SMYD1: variants seen among roughly 807,000 people sequenced by gnomAD.
The protein encoded by SMYD1 is histone-lysine N-methyltransferase SMYD1.
In SMYD1, 49 loss-of-function variants were observed where a neutral mutation model predicts 54.0. The ratio of observed to expected loss-of-function variants is 0.91; its 90% CI spans 0.72 to 1.15. The LOEUF (loss-of-function observed/expected upper bound fraction) is 1.15, where lower values mean the gene tolerates loss of function less well. Ranked by LOEUF, SMYD1 falls within the 50% of genes most tolerant of loss-of-function variation. The pLI, the probability that SMYD1 is intolerant of heterozygous loss-of-function variation, is 0.00. For missense variants in SMYD1, 653 were observed against 639.6 expected, an observed-to-expected ratio of 1.02 and a Z score of -0.23; for synonymous variants, 269 against 234.2, an observed-to-expected ratio of 1.15 and a Z score of -1.36.
chr2:88,099,649 G>A (rs1224540674), intron 6 of SMYD1, among the ~76,000 whole-genome samples: 2 of 152,070 alleles, frequency 1.3e-5, no homozygotes, highest in East Asian at 2.0e-4. Flanking sequence ...CTTGAACCCA[G>A]AAGGTGGAGG....
chr2:88,075,216 A>G lies in SMYD1; in HGVS notation c.137+7215A>G, dbSNP rs1438990389. On this transcript the variant is annotated intron_variant, in intron 1 of 9. Coordinates refer to ENST00000419482, the MANE Select transcript of SMYD1 (RefSeq NM_198274.4). ...TCGACATGTTACACAACCTGTTGTG[A>G]GCTGTATTGCTAAATATTGCTCAAT... Among the ~76,000 whole-genome samples, 3 of 152,304 alleles carry G rather than the reference A, an allele frequency of 2.0e-5. No homozygotes were observed. The East Asian group carries it at 5.8e-4, about 29-fold the overall frequency.
At position 88,087,900 on chromosome 2, in the gene SMYD1, G is replaced by A. The variant is rs756006041; in HGVS notation, c.353G>A (p.Gly118Asp). ...ATCATGTGGCGGGTGGAGAGAGAAGGCACCGGGCTCACGGAGGGCTGCCTG... is the reference window on the plus strand; with the variant it reads ...ATCATGTGGCGGGTGGAGAGAGAAGACACCGGGCTCACGGAGGGCTGCCTG... ...ARIMWRVERE[G>D]TGLTEGCLVS... The change falls in exon 3 of 10, where the codon GGC (glycine) becomes GAC (aspartate). Residue 118 changes from glycine (G) to aspartate (D), a missense_variant. Physicochemically the swap from Gly to Asp is moderately conservative, Grantham distance 94. Transcript: ENST00000419482. 6.2e-7 allele frequency: 1 copy of A among 1,606,286 alleles called. No individual in the cohort carries two copies. Among genetic ancestry groups the A allele is most frequent in the South Asian group, 1.1e-5 (1 of 90,082 alleles).
At position 88,111,632 on chromosome 2, in the gene SMYD1, G is replaced by T. The variant is rs1214271230; in HGVS notation, c.*1120G>T. ...CTCACCAGAAAGAACATTTGAATCT[G>T]GATTCTTGTACACCTGGGTTAGACC... On this transcript the variant is annotated 3_prime_UTR_variant, in exon 10 of 10. Coordinates refer to ENST00000419482, the MANE Select transcript of SMYD1 (RefSeq NM_198274.4). 6.3e-6 allele frequency: 1 copy of T among 157,664 alleles called. No individual in the cohort carries two copies. The highest frequency in any genetic ancestry group is 1.4e-5 in the Non-Finnish European group (1 of 71,108). 9.8% of individuals were successfully genotyped at this position (157,664 alleles called of 1,614,324 possible).
intron 1 of SMYD1, among the ~76,000 whole-genome samples, chr2:88,075,534 C>CTTTTTTTTTTTTTTT (rs35091980): frequency 9.7e-6 from 1 of 103,580 alleles, no homozygotes; most frequent in Non-Finnish European, 1.9e-5. Flanking sequence ...CCTTTTAATT[C>CTTTTTTTTTTTTTTT]TTTTTTTTTT....
At chr2:88,088,146 A>G (rs1022419145) in intron 3 of SMYD1, 71 bp downstream of exon 3, 2 of 1,466,088 alleles carry the variant, frequency 1.4e-6, no homozygotes, top group Non-Finnish European at 1.8e-6. Context: ...CCACTTGGGG[A>G]GGGTGGGGCT....
chr2:88,097,072 A>G (rs960328622), intron 6 of SMYD1, among the ~76,000 whole-genome samples: 1 of 152,162 alleles, frequency 6.6e-6, no homozygotes, highest in African/African-American at 2.4e-5. Flanking sequence ...ATTAAAGGAG[A>G]TGACGTGTGT....
In SMYD1 at chr2:88,067,871, A is replaced by G. The variant is rs200193008; in HGVS notation, c.7A>G (p.Ile3Val). 3.1e-6 allele frequency: 5 copies of G among 1,613,920 alleles called. No homozygotes were observed. In the East Asian group the frequency reaches 1.1e-4, roughly 36 times the overall value. The change falls in exon 1 of 10, where the codon ATA becomes GTA. Residue 3 changes from isoleucine (I) to valine (V), a missense_variant. Coordinates refer to ENST00000419482, the MANE Select transcript of SMYD1 (RefSeq NM_198274.4). Reference protein sequence around the residue: MTIGRMENVEVFT... With the variant: MTVGRMENVEVFT... Reference sequence around the variant, plus strand: ...TGGCCTGACAGTCTCTGAGATGACAATAGGGAGAATGGAGAACGTGGAGGT... The same window carrying G: ...TGGCCTGACAGTCTCTGAGATGACAGTAGGGAGAATGGAGAACGTGGAGGT...
chr2:88,099,797 C>T (rs796248425), intron 6 of SMYD1, among the ~76,000 whole-genome samples: 107 of 152,040 alleles, frequency 7.0e-4, no homozygotes, highest in African/African-American at 2.3e-3. Flanking sequence ...GAACCAACAT[C>T]CTTCTTACCC....
intron 3 of SMYD1, among the ~76,000 whole-genome samples, chr2:88,088,945 T>A (rs1303069741): frequency 6.6e-6 from 1 of 152,140 alleles, no homozygotes; most frequent in Admixed American, 6.5e-5. Flanking sequence ...GGCCAGGACC[T>A]TTATGTGGTG....
intron 5 of SMYD1, among the ~76,000 whole-genome samples, chr2:88,094,270 T>C (rs1034240216): frequency 1.3e-5 from 2 of 152,204 alleles, no homozygotes; most frequent in Admixed American, 1.3e-4. Context: ...TGGACTTGGG[T>C]TCCACATCTG....
chr2:88,111,990 G>C lies in SMYD1; in HGVS notation c.*1478G>C. The C allele has an allele frequency of 1.4e-6, 1 of 696,072 alleles. No individual in the cohort carries two copies. The highest frequency in any genetic ancestry group is 2.6e-6 in the Non-Finnish European group (1 of 380,262). The allele number at this position is 696,072 out of a possible 1,614,324, so 43.1% of individuals were successfully genotyped here. ...CATCCTCACCACATGATGACCTGCTGTGTCCCTCTGAGCACTACCCAGTGG... is the reference window on the plus strand; with the variant it reads ...CATCCTCACCACATGATGACCTGCTCTGTCCCTCTGAGCACTACCCAGTGG... On this transcript the variant is annotated 3_prime_UTR_variant, in exon 10 of 10. Coordinates refer to ENST00000419482, the MANE Select transcript of SMYD1 (RefSeq NM_198274.4).
At chr2:88,088,579 A>T (rs1249799437) in intron 3 of SMYD1, among the ~76,000 whole-genome samples, 1 of 152,210 alleles carries the variant, frequency 6.6e-6, no homozygotes, top group East Asian at 1.9e-4. Flanking sequence ...GGCATCCCAC[A>T]TACAAATTTT....
At chr2:88,077,682 C>T (rs1402870359) in intron 1 of SMYD1, among the ~76,000 whole-genome samples, 2 of 151,488 alleles carry the variant, frequency 1.3e-5, no homozygotes, top group African/African-American at 4.9e-5. Flanking sequence ...GGACACTCTC[C>T]TGCACTAGGG....
intron 1 of SMYD1, chr2:88,082,662 G>A (rs1160524018): frequency 6.5e-6 from 1 of 154,388 alleles, no homozygotes; most frequent in African/African-American, 2.4e-5. Flanking sequence ...ATTTCTGTAG[G>A]TGTATCAGAG....
chr2:88,088,031 A>G lies in SMYD1; in HGVS notation c.484A>G (p.Ser162Gly). 1 of 1,614,190 alleles carries G rather than the reference A, an allele frequency of 6.2e-7. No individual in the cohort carries two copies. The highest frequency in any genetic ancestry group is 1.3e-5 in the African/African-American group (1 of 75,046). Residue 162 changes from serine to glycine, a missense_variant, in exon 3 of 10, where the codon AGC (serine) becomes GGC (glycine). By Grantham distance (56) the Ser-to-Gly change is moderately conservative. Coordinates refer to ENST00000419482, the MANE Select transcript of SMYD1 (RefSeq NM_198274.4). ...ATTCTTGCAGTACTGGCCGCCGCAG[A>G]GCCAGCAGTTCAGCATGCAGTACAT... ...DTFLQYWPPQ[S>G]QQFSMQYISH... is the part of the protein sequence containing the mutation.
rs190272396 is a variant in SMYD1, at chr2:88,100,367, T to C, written c.889-2691T>C. ...TACATCATCAAATTGAGCAAGACTT[T>C]GATGAACACTTAACCAGTTAGTATT... On this transcript the variant is annotated intron_variant, in intron 6 of 9. Coordinates refer to ENST00000419482, the MANE Select transcript of SMYD1 (RefSeq NM_198274.4). Among the ~76,000 whole-genome samples the C allele has an allele frequency of 2.8e-3, 424 of 152,312 alleles. 4 individuals carry two copies. The highest frequency in any genetic ancestry group is 1.7e-3 in the Non-Finnish European group (119 of 68,036).
At chr2:88,108,725 C>G (rs941959625) in intron 9 of SMYD1, among the ~76,000 whole-genome samples, 186 bp downstream of exon 9, 1 of 152,170 alleles carries the variant, frequency 6.6e-6, no homozygotes, top group Non-Finnish European at 1.5e-5. Flanking sequence ...AAATGAATAC[C>G]TGAGACTGGG....
At position 88,108,548 on chromosome 2, in the gene SMYD1, C is replaced by T. The variant is rs567105057; in HGVS notation, c.1314+9C>T. The T allele has an allele frequency of 8.3e-6, 13 of 1,565,056 alleles. No homozygotes were observed. Among genetic ancestry groups the T allele is most frequent in the Middle Eastern group, 1.7e-4 (1 of 5,872 alleles). ...TCACTAAGGACTTAGAGGCAAGTAG[C>T]GTCTTGAGGCTGGTGTTCCCTTCCT... On this transcript the variant is annotated intron_variant, in intron 9 of 9. Coordinates refer to ENST00000419482, the MANE Select transcript of SMYD1 (RefSeq NM_198274.4).
intron 1 of SMYD1, among the ~76,000 whole-genome samples, chr2:88,075,218 C>G (rs917928811): frequency 6.6e-6 from 1 of 152,194 alleles, no homozygotes; most frequent in African/African-American, 2.4e-5. Flanking sequence ...CTGTTGTGAG[C>G]TGTATTGCTA....
Sources: allele counts gnomAD v4.1 joint callset (sites outside exome capture counted in the v4.1 genomes callset), GRCh38; gene constraint gnomAD v4.1.1; transcripts MANE v1.5; gene names NCBI Gene and HGNC (gene_info 2026-07-23, HGNC 2026-07-21).